Variants in DOK5 observed in about 807,000 individuals in gnomAD.
The protein encoded by DOK5 is downstream of tyrosine kinase 5.
A neutral mutation model predicts 43.3 loss-of-function variants in DOK5; 27 were observed. The observed-to-expected ratio is 0.62, with a 90% CI of 0.46 to 0.86. The LOEUF is 0.86. Among genes scored for constraint, DOK5 ranks in the 40% least tolerant of loss-of-function variants. The pLI is 0.00. For missense variants in DOK5, 373 were observed against 392.9 expected (o/e 0.95, Z 0.43); for synonymous variants, 146 against 140.1 (o/e 1.04, Z -0.30).
At chr20:54,603,940 ATTTT>A (rs35690531) in intron 5 of DOK5, among the ~76,000 whole-genome samples, 31 of 76,274 alleles carry the variant, frequency 4.1e-4, no homozygotes, top group Middle Eastern at 0.02. Flanking sequence ...TTCAAACTGT[ATTTT>A]TTTTTTTTTT....
chr20:54,577,021 G>T (rs1214966952), intron 2 of DOK5, among the ~76,000 whole-genome samples: 2 of 152,132 alleles, frequency 1.3e-5, no homozygotes, highest in Admixed American at 1.3e-4. Context: ...GCCTGTCAGG[G>T]ATTCATTCAT....
intron 6 of DOK5, among the ~76,000 whole-genome samples, chr20:54,615,770 C>T (rs547835589): frequency 1.4e-4 from 22 of 152,096 alleles, no homozygotes; most frequent in Admixed American, 1.0e-3. Flanking sequence ...ATTAGCTGGG[C>T]GTGGTGGCGT....
At chr20:54,593,479 T>C (rs541760388) in intron 5 of DOK5, among the ~76,000 whole-genome samples, 2 of 152,276 alleles carry the variant, frequency 1.3e-5, no homozygotes, top group African/African-American at 4.8e-5. Flanking sequence ...AATAAACCTT[T>C]AATGTTGAGA....
At chr20:54,599,393 T>C (rs1256985321) in intron 5 of DOK5, among the ~76,000 whole-genome samples, 2 of 152,254 alleles carry the variant, frequency 1.3e-5, no homozygotes, top group Non-Finnish European at 2.9e-5. Flanking sequence ...AATATTCCAA[T>C]AGTAGAGGCA....
intron 2 of DOK5, among the ~76,000 whole-genome samples, chr20:54,581,471 TTTTTAACAATGTTAA>T (rs1399150743): frequency 6.6e-6 from 1 of 151,932 alleles, no homozygotes; most frequent in Non-Finnish European, 1.5e-5. Flanking sequence ...TTAAGTCTTT[TTTTTAACAATGTTAA>T]TTTTAACAAT....
At chr20:54,626,328 G>C (rs1269358322) in intron 6 of DOK5, among the ~76,000 whole-genome samples, 1 of 152,138 alleles carries the variant, frequency 6.6e-6, no homozygotes, top group African/African-American at 2.4e-5. Flanking sequence ...TCTTCTAATT[G>C]AGGGATAATT....
At chr20:54,488,489 T>C (rs924273661) in intron 1 of DOK5, among the ~76,000 whole-genome samples, 2 of 152,220 alleles carry the variant, frequency 1.3e-5, no homozygotes, top group Non-Finnish European at 2.9e-5. Flanking sequence ...AATTTTTCTT[T>C]ATTTTGTGCC....
chr20:54,644,997 CTTTTTTTTTT>C (rs869031533), intron 7 of DOK5, among the ~76,000 whole-genome samples: 118 of 82,414 alleles, frequency 1.4e-3, no homozygotes, highest in East Asian at 8.0e-3. Flanking sequence ...TAAAAAAACT[CTTTTTTTTTT>C]TTTTTTTTTT....
chr20:54,622,233 G>T (rs1987002909), intron 6 of DOK5, among the ~76,000 whole-genome samples: 1 of 151,872 alleles, frequency 6.6e-6, no homozygotes, highest in African/African-American at 2.4e-5. Flanking sequence ...AAAAAAAAGA[G>T]CTAAATGAGA....
intron 6 of DOK5, among the ~76,000 whole-genome samples, chr20:54,642,389 C>T (rs1979161106): frequency 6.6e-6 from 1 of 151,744 alleles, no homozygotes; most frequent in Admixed American, 6.6e-5. Flanking sequence ...GCCAGAACAC[C>T]CAACACAAGT....
chr20:54,495,561 C>T (rs1462255262), intron 1 of DOK5, among the ~76,000 whole-genome samples: 1 of 152,236 alleles, frequency 6.6e-6, no homozygotes, highest in Non-Finnish European at 1.5e-5. Context: ...ATAGAAGTTA[C>T]GCTCACAAGC....
chr20:54,630,984 A>G (rs1009158285), intron 6 of DOK5, among the ~76,000 whole-genome samples: 2 of 152,230 alleles, frequency 1.3e-5, no homozygotes, highest in Admixed American at 1.3e-4. Flanking sequence ...ATTTAATTTT[A>G]CTGTCTCATC....
chr20:54,622,464 T>C (rs1044144897), intron 6 of DOK5, among the ~76,000 whole-genome samples: 6 of 152,204 alleles, frequency 3.9e-5, no homozygotes, highest in African/African-American at 1.4e-4. Context: ...TGCTTTCACC[T>C]GATTATTAAA....
chr20:54,566,781 T>C (rs1201327601), intron 2 of DOK5, among the ~76,000 whole-genome samples: 2 of 152,186 alleles, frequency 1.3e-5, no homozygotes, highest in African/African-American at 4.8e-5. Flanking sequence ...CATGCTTGGC[T>C]AATTTTTTAA....
At chr20:54,615,205 C>T (rs1401514292) in intron 6 of DOK5, among the ~76,000 whole-genome samples, 1 of 152,150 alleles carries the variant, frequency 6.6e-6, no homozygotes, top group Non-Finnish European at 1.5e-5. Flanking sequence ...TTTCAGTCAG[C>T]CTTATGACCC....
chr20:54,537,224 T>C (rs1983989432), intron 1 of DOK5, among the ~76,000 whole-genome samples: 1 of 152,234 alleles, frequency 6.6e-6, no homozygotes, highest in South Asian at 2.1e-4. Context: ...CATACTTTCC[T>C]ACCCCTTCTC....
chr20:54,623,046 G>C (rs1987032878), intron 6 of DOK5, among the ~76,000 whole-genome samples: 2 of 152,130 alleles, frequency 1.3e-5, no homozygotes, highest in Admixed American at 1.3e-4. Flanking sequence ...GAAGAGTTAT[G>C]CCTGGGGAAC....
Position 54,481,602 on chromosome 20 carries a change from A to C in DOK5, c.66+5590A>C, listed in dbSNP as rs576540905. Reference sequence around the variant, plus strand: ...TACTGCCAAGGACATGTGAAGCTACATGAGGGCTGGGACTTGTTTCTCTCT... The same window carrying C: ...TACTGCCAAGGACATGTGAAGCTACCTGAGGGCTGGGACTTGTTTCTCTCT... On this transcript the variant is annotated intron_variant, in intron 1 of 7. Transcript: ENST00000262593. Among the ~76,000 whole-genome samples the C allele has an allele frequency of 1.2e-3, 188 of 152,298 alleles. 1 individual carries two copies. Among genetic ancestry groups the C allele is most frequent in the African/African-American group, 4.3e-3 (178 of 41,552 alleles).
intron 6 of DOK5, among the ~76,000 whole-genome samples, chr20:54,616,841 G>T (rs1380405296): frequency 1.5e-5 from 2 of 137,544 alleles, no homozygotes; most frequent in South Asian, 2.3e-4. Flanking sequence ...AGGCTGGAGT[G>T]CAGTGGCGCT....
Sources: gnomAD v4.1 joint callset for allele counts (sites outside exome capture counted in the v4.1 genomes callset) on GRCh38, gnomAD v4.1.1 for gene constraint, MANE v1.5 for transcripts, NCBI Gene and HGNC (gene_info 2026-07-23, HGNC 2026-07-21) for gene names.